The following ZNF33B variants were observed in gnomAD, a reference collection of about 807,000 sequenced individuals.
The protein encoded by ZNF33B is zinc finger protein 11b (KOX 2).
Under a neutral mutation model 45.8 loss-of-function variants are expected in ZNF33B, and 29 were observed. The ratio of observed to expected loss-of-function variants is 0.63; its 90% CI spans 0.47 to 0.86. ZNF33B has a LOEUF of 0.86. Among genes scored for constraint, ZNF33B ranks in the 40% least tolerant of loss-of-function variants. The probability of loss-of-function intolerance (pLI) is 0.00; values close to 1 mark genes in which losing one functional copy is unlikely to be tolerated. For missense variants in ZNF33B, 831 were observed against 909.9 expected (o/e 0.91, Z 1.12); for synonymous variants, 305 against 307.8 (o/e 0.99, Z 0.10).
rs1837169542 is a variant in ZNF33B at position 42,592,461 on chromosome 10, G to A, written c.*152C>T. On this transcript the variant is annotated 3_prime_UTR_variant, in exon 5 of 5. Transcript: ENST00000359467. The stretch of plus-strand genomic sequence containing the variant: ...CATCCTATAGTTGTTGTAGTCTATG[G>A]GTTTATCCCCTACTGTTACTTTGGA... The A allele has an allele frequency of 1.8e-5, 20 of 1,123,514 alleles. No homozygotes were observed. The South Asian group carries it at 3.0e-4, about 17-fold the overall frequency. 69.6% of individuals were successfully genotyped at this position (1,123,514 alleles called of 1,614,324 possible). A position where few individuals can be genotyped will look rare whatever the true frequency, so the allele number is the denominator to read the frequency against.
chr10:42,601,634 C>A (rs546651658), intron 4 of ZNF33B, among the ~76,000 whole-genome samples: 1 of 151,632 alleles, frequency 6.6e-6, no homozygotes, highest in Non-Finnish European at 1.5e-5. Flanking sequence ...CCACCACACC[C>A]GGCTAATTTT....
chr10:42,582,145 C>T (rs1836839531), intron 1 of ZNF33B: 1 of 152,226 alleles, frequency 6.6e-6, no homozygotes, highest in East Asian at 1.9e-4. Context: ...CTGCATTCCT[C>T]TATGCCCTCC....
rs555020736 is a variant in ZNF33B at position 42,608,565 on chromosome 10, A to G, written c.251-13866T>C. 2.0e-4 allele frequency among the ~76,000 whole-genome samples: 31 copies of G among 152,326 alleles called. 3 individuals carry two copies. Among genetic ancestry groups the G allele is most frequent in the African/African-American group, 7.0e-4 (29 of 41,592 alleles). On this transcript the variant is annotated intron_variant, in intron 4 of 4. Coordinates refer to ENST00000359467, the MANE Select transcript of ZNF33B (RefSeq NM_006955.3). ...AGTTAAAAAAAAAGTCAAAGAAGCA[A>G]TAAGAAGGCAAATTAGAAAAAATGC...
At chr10:42,603,381 G>T (rs1837708379) in intron 4 of ZNF33B, among the ~76,000 whole-genome samples, 1 of 152,112 alleles carries the variant, frequency 6.6e-6, no homozygotes, top group African/African-American at 2.4e-5. Context: ...TTAAGAAGAG[G>T]GTAGCAGTTC....
At chr10:42,595,041 G>C (rs766426422) in intron 4 of ZNF33B, among the ~76,000 whole-genome samples, 3 of 152,194 alleles carry the variant, frequency 2.0e-5, no homozygotes, top group Non-Finnish European at 4.4e-5. Flanking sequence ...GTCAGCATAA[G>C]TGGAGCAAAT....
intron 4 of ZNF33B, among the ~76,000 whole-genome samples, chr10:42,624,432 G>A (rs1335881602): frequency 6.6e-6 from 1 of 152,110 alleles, no homozygotes; most frequent in Non-Finnish European, 1.5e-5. Flanking sequence ...TATACATACA[G>A]TAGTCACTCC....
At chr10:42,598,980 G>A (rs1022140845) in intron 4 of ZNF33B, among the ~76,000 whole-genome samples, 1 of 152,072 alleles carries the variant, frequency 6.6e-6, no homozygotes. Flanking sequence ...ATTGTTTGCT[G>A]GAATTCACTA....
At chr10:42,586,848 A>T (rs1836946361), downstream of ZNF33B, among the ~76,000 whole-genome samples, 1 of 152,204 alleles carries the variant, frequency 6.6e-6, no homozygotes, top group African/African-American at 2.4e-5. Flanking sequence ...CATGTACTAT[A>T]ACAAACCACC....
At chr10:42,627,348 T>C (rs1395747982) in intron 4 of ZNF33B, among the ~76,000 whole-genome samples, 1 of 152,194 alleles carries the variant, frequency 6.6e-6, no homozygotes, top group Non-Finnish European at 1.5e-5. Flanking sequence ...CAAGATTCCC[T>C]TATTATACTG....
At chr10:42,601,048 T>A (rs1837597349) in intron 4 of ZNF33B, among the ~76,000 whole-genome samples, 2 of 152,198 alleles carry the variant, frequency 1.3e-5, no homozygotes, top group African/African-American at 4.8e-5. Context: ...CTGTTTCTTA[T>A]AGCTATTTTT....
intron 1 of ZNF33B, among the ~76,000 whole-genome samples, chr10:42,637,692 C>T (rs970768548): frequency 6.6e-6 from 1 of 152,156 alleles, no homozygotes; most frequent in Non-Finnish European, 1.5e-5. Flanking sequence ...GACGGAGTTT[C>T]GTTCTTGTTG....
chr10:42,599,951 A>G (rs1837552083), intron 4 of ZNF33B, among the ~76,000 whole-genome samples: 1 of 152,122 alleles, frequency 6.6e-6, no homozygotes, highest in African/African-American at 2.4e-5. Flanking sequence ...CATCCATTAC[A>G]TAGACTTATA....
Position 42,592,550 on chromosome 10 carries a change from C to A in ZNF33B, c.*63G>T. On this transcript the variant is annotated 3_prime_UTR_variant, in exon 5 of 5. Transcript: ENST00000359467. The stretch of plus-strand genomic sequence containing the variant: ...CAGGATGTCAACAGGCCCTTCTCCA[C>A]AGTGTGAAGACTCTGAGGCATTATG... 1 of 1,549,706 alleles carries A rather than the reference C, an allele frequency of 6.5e-7. No individual in the cohort carries two copies. Among genetic ancestry groups the A allele is most frequent in the Non-Finnish European group, 8.7e-7 (1 of 1,149,514 alleles).
intron 4 of ZNF33B, among the ~76,000 whole-genome samples, chr10:42,624,075 G>GCT (rs1838700465): frequency 4.6e-5 from 7 of 152,248 alleles, no homozygotes; most frequent in Admixed American, 4.6e-4. Context: ...CCTCTTCCCA[G>GCT]CTTGCAGTTG....
At chr10:42,585,755 CCT>C (rs768234326), downstream of ZNF33B, among the ~76,000 whole-genome samples, 11 of 152,128 alleles carry the variant, frequency 7.2e-5, no homozygotes, top group Non-Finnish European at 1.3e-4. Context: ...ACCTTGCTGC[CCT>C]TTTTGTTATA....
chr10:42,629,141 A>G (rs1348607174), intron 4 of ZNF33B, among the ~76,000 whole-genome samples: 1 of 152,204 alleles, frequency 6.6e-6, no homozygotes, highest in Non-Finnish European at 1.5e-5. Context: ...AAAGAATGAG[A>G]GATCCTGTCA....
chr10:42,592,980 C>A lies in ZNF33B; in HGVS notation c.1970G>T (p.Arg657Ile), dbSNP rs1837207197. Residue 657 changes from arginine (R) to isoleucine (I), a missense_variant, in exon 5 of 5, where the codon AGA (arginine) becomes ATA (isoleucine). Coordinates refer to ENST00000359467, the MANE Select transcript of ZNF33B (RefSeq NM_006955.3). ...ATAAGGCTTTTCTTGTGTATGGGTT[C>A]TCTGATGTACAATTAGAGCTGACTT... ...CHKSALIVHQ[R>I]THTQEKPYKC... 1.2e-6 allele frequency: 2 copies of A among 1,613,828 alleles called. No homozygotes were observed. The highest frequency in any genetic ancestry group is 1.3e-5 in the African/African-American group (1 of 74,844).
chr10:42,633,451 T>G (rs1172612386), intron 2 of ZNF33B, among the ~76,000 whole-genome samples: 1 of 152,136 alleles, frequency 6.6e-6, no homozygotes, highest in Non-Finnish European at 1.5e-5. Context: ...CAAAACAACA[T>G]TTACATAAAC....
chr10:42,623,445 G>A (rs1838676405), intron 4 of ZNF33B, among the ~76,000 whole-genome samples: 1 of 152,208 alleles, frequency 6.6e-6, no homozygotes, highest in Non-Finnish European at 1.5e-5. Flanking sequence ...ATTCACAACA[G>A]CCAAAAGGTG....
Sources: allele counts gnomAD v4.1 joint callset (sites outside exome capture counted in the v4.1 genomes callset), GRCh38; gene constraint gnomAD v4.1.1; transcripts MANE v1.5; gene names NCBI Gene and HGNC (gene_info 2026-07-23, HGNC 2026-07-21).